GALNT2: variants seen among roughly 807,000 people sequenced by gnomAD.
The protein encoded by GALNT2 is UDP-GalNAc:polypeptide N-acetylgalactosaminyltransferase 2.
In GALNT2, 31 loss-of-function variants were observed where a neutral mutation model predicts 81.4. The observed-to-expected ratio is 0.38, with a 90% CI of 0.29 to 0.51. The LOEUF is 0.51. GALNT2 is among the 20% of genes least tolerant of loss of function. GALNT2 has a pLI of 0.87. For synonymous variants in GALNT2, 303 were observed against 287.4 expected, an observed-to-expected ratio of 1.05 and a Z score of -0.55; for missense variants, 629 against 765.7, an observed-to-expected ratio of 0.82 and a Z score of 2.11.
At chr1:230,195,121 T>C (rs1319873874) in intron 2 of GALNT2, among the ~76,000 whole-genome samples, 1 of 152,374 alleles carries the variant, frequency 6.6e-6, no homozygotes, top group East Asian at 1.9e-4. Context: ...TTTCAGTGAA[T>C]GTGTCTCCAA....
chr1:230,228,645 C>A (rs1266084541), intron 3 of GALNT2, among the ~76,000 whole-genome samples: 2 of 152,070 alleles, frequency 1.3e-5, no homozygotes, highest in East Asian at 3.9e-4. Flanking sequence ...TTCTGGTCAT[C>A]TGTGTGTGTA....
chr1:230,281,671 C>A lies in GALNT2; in HGVS notation c.*2213C>A, dbSNP rs908205923. On this transcript the variant is annotated 3_prime_UTR_variant, in exon 16 of 16. Coordinates refer to ENST00000366672, the MANE Select transcript of GALNT2 (RefSeq NM_004481.5). ...TGTGCGGCCCATGCCCTGGGGGCGG[C>A]GTCCTGTCCCTGAGCTGGGAGGCGG... 2 of 152,712 alleles carry A rather than the reference C, an allele frequency of 1.3e-5. No homozygotes were observed. Among genetic ancestry groups the A allele is most frequent in the African/African-American group, 4.8e-5 (2 of 41,448 alleles). 9.5% of individuals were successfully genotyped at this position (152,712 alleles called of 1,614,324 possible).
chr1:230,189,331 C>T (rs1044528938), intron 2 of GALNT2, among the ~76,000 whole-genome samples: 11 of 152,144 alleles, frequency 7.2e-5, no homozygotes, highest in Admixed American at 6.5e-4. Context: ...GCCACCCCTC[C>T]CCGATGTGCT....
At chr1:230,127,625 C>T (rs1247934695) in intron 1 of GALNT2, among the ~76,000 whole-genome samples, 1 of 151,926 alleles carries the variant, frequency 6.6e-6, no homozygotes, top group East Asian at 1.9e-4. Context: ...CCACCCACCT[C>T]GGCCTCCCAA....
At chr1:230,081,667 G>A (rs974319271) in intron 1 of GALNT2, among the ~76,000 whole-genome samples, 1 of 152,192 alleles carries the variant, frequency 6.6e-6, no homozygotes, top group African/African-American at 2.4e-5. Flanking sequence ...AATTAGAAAA[G>A]TGCTCACGTG....
chr1:230,058,732 G>C (rs1471234270), intron 1 of GALNT2, among the ~76,000 whole-genome samples: 1 of 152,198 alleles, frequency 6.6e-6, no homozygotes, highest in African/African-American at 2.4e-5. Flanking sequence ...CTATTTCTCA[G>C]TCACAATTCA....
intron 1 of GALNT2, among the ~76,000 whole-genome samples, chr1:230,173,606 T>G (rs1662866535): frequency 6.6e-6 from 1 of 152,192 alleles, no homozygotes. Flanking sequence ...TTGTCTAATC[T>G]CAGTAGTTTA....
intron 15 of GALNT2, among the ~76,000 whole-genome samples, chr1:230,276,630 G>A (rs1272669113): frequency 6.6e-6 from 1 of 152,194 alleles, no homozygotes. Context: ...AAACCCCTGC[G>A]CCAGCTCTGG....
At position 230,275,249 on chromosome 1, in the gene GALNT2, T is replaced by C. The variant is rs962759334; in HGVS notation, c.1560+685T>C. On this transcript the variant is annotated intron_variant, in intron 15 of 15. Transcript: ENST00000366672. The surrounding 1 kb of genome is among the most constrained non-coding windows in gnomAD (Gnocchi z 5.5). The stretch of plus-strand genomic sequence containing the variant: ...TATATGCATATGTAAACACCGCATA[T>C]ATACATATATACACACCACATGTAT... Among the ~76,000 whole-genome samples, 8 of 151,392 alleles carry C rather than the reference T, an allele frequency of 5.3e-5. No individual in the cohort carries two copies.
intron 11 of GALNT2, 193 bp downstream of exon 11, chr1:230,255,537 T>C: frequency 3.1e-6 from 2 of 655,100 alleles, no homozygotes; most frequent in Non-Finnish European, 2.6e-6. Context: ...CAGGGCATGA[T>C]GCTGAGTGAG....
intron 1 of GALNT2, among the ~76,000 whole-genome samples, chr1:230,069,068 A>G (rs189074203): frequency 2.8e-3 from 427 of 152,304 alleles, no homozygotes; most frequent in African/African-American, 0.01. Flanking sequence ...AACCAAACAC[A>G]TAAGCCACCC....
At chr1:230,268,380 C>A (rs891628526) in intron 14 of GALNT2, 5 of 152,188 alleles carry the variant, frequency 3.3e-5, no homozygotes, top group African/African-American at 1.2e-4. Flanking sequence ...CTCTTGTGAT[C>A]CCTGGCCAGC....
At chr1:230,255,579 T>G (rs1206021883) in intron 11 of GALNT2, 5 of 551,930 alleles carry the variant, frequency 9.1e-6, no homozygotes, top group Non-Finnish European at 1.6e-5. Context: ...TCCACTCATG[T>G]CACAGCCTCA....
chr1:230,067,777 C>T (rs1007777613), intron 1 of GALNT2, among the ~76,000 whole-genome samples: 47 of 152,286 alleles, frequency 3.1e-4, no homozygotes, highest in African/African-American at 1.0e-3. Context: ...GAGAGAGAGG[C>T]GACCGCTTTT....
chr1:230,196,293 T>C (rs1300133193), intron 2 of GALNT2, among the ~76,000 whole-genome samples: 3 of 152,186 alleles, frequency 2.0e-5, no homozygotes, highest in African/African-American at 7.2e-5. Flanking sequence ...GTGCCCTTTC[T>C]CCGGGGCTTT....
chr1:230,149,079 C>G (rs1446969854), intron 1 of GALNT2, among the ~76,000 whole-genome samples: 2 of 152,130 alleles, frequency 1.3e-5, no homozygotes, highest in Non-Finnish European at 2.9e-5. Flanking sequence ...CGGCGTTTCT[C>G]CATATTGCCC....
chr1:230,183,621 T>A (rs1316002557), intron 2 of GALNT2, among the ~76,000 whole-genome samples: 1 of 152,246 alleles, frequency 6.6e-6, no homozygotes, highest in Non-Finnish European at 1.5e-5. Context: ...AAAGAATACA[T>A]GATGGAATAT....
intron 1 of GALNT2, among the ~76,000 whole-genome samples, chr1:230,075,423 T>C (rs1043864253): frequency 3.3e-5 from 5 of 152,280 alleles, no homozygotes; most frequent in East Asian, 1.9e-4. Context: ...GCCCGGCTGC[T>C]CTTTTCTTCA....
intron 1 of GALNT2, among the ~76,000 whole-genome samples, chr1:230,105,354 A>G (rs991575128): frequency 1.3e-5 from 2 of 152,350 alleles, no homozygotes; most frequent in African/African-American, 4.8e-5. Flanking sequence ...TCTGGGGCCC[A>G]CTGGGGGCTC....
Sources: gnomAD v4.1 joint callset for allele counts (sites outside exome capture counted in the v4.1 genomes callset) on GRCh38, gnomAD v4.1.1 for gene constraint, Gnocchi (gnomAD v3.1) non-coding constraint, MANE v1.5 for transcripts, NCBI Gene and HGNC (gene_info 2026-07-23, HGNC 2026-07-21) for gene names.